NELL2: variants seen among roughly 807,000 people sequenced by gnomAD.
NELL2 encodes protein kinase C-binding protein NELL2.
NELL2 carries 41 observed loss-of-function variants against 109.6 expected under a neutral mutation model. That is an observed-to-expected ratio of 0.37 (90% CI 0.29 to 0.49). The LOEUF is 0.49. Ranked by LOEUF, NELL2 falls within the 20% of genes least tolerant of loss-of-function variation. The probability of loss-of-function intolerance (pLI) is 0.98; values close to 1 mark genes in which losing one functional copy is unlikely to be tolerated. For synonymous variants in NELL2, 355 were observed against 344.7 expected (o/e 1.03, Z -0.33); for missense variants, 900 against 1,008.3 (o/e 0.89, Z 1.45).
intron 15 of NELL2, among the ~76,000 whole-genome samples, chr12:44,591,783 G>T (rs995390846): frequency 1.5e-4 from 23 of 152,188 alleles, no homozygotes; most frequent in African/African-American, 5.3e-4. Flanking sequence ...CCAACACAAA[G>T]AAATGATAAC....
At chr12:44,536,068 C>T (rs1942281724) in intron 15 of NELL2, among the ~76,000 whole-genome samples, 1 of 151,946 alleles carries the variant, frequency 6.6e-6, no homozygotes, top group Non-Finnish European at 1.5e-5. Context: ...AATTTTTCTA[C>T]TTTGGTTAGT....
At chr12:44,626,532 C>T (rs535291882) in intron 13 of NELL2, among the ~76,000 whole-genome samples, 111 of 152,236 alleles carry the variant, frequency 7.3e-4, no homozygotes, top group South Asian at 3.1e-3. Context: ...AAATTATTTG[C>T]TTATATATTT....
chr12:44,583,565 G>T (rs1324546309), intron 15 of NELL2, among the ~76,000 whole-genome samples: 3 of 152,130 alleles, frequency 2.0e-5, no homozygotes, highest in Non-Finnish European at 4.4e-5. Flanking sequence ...CATATGTCAT[G>T]AACTGTGTGA....
intron 12 of NELL2, among the ~76,000 whole-genome samples, chr12:44,668,229 A>C (rs188838420): frequency 1.3e-5 from 2 of 152,242 alleles, no homozygotes; most frequent in East Asian, 1.9e-4. Context: ...CAACACACTG[A>C]GGAAGCAACC....
intron 2 of NELL2, among the ~76,000 whole-genome samples, chr12:44,829,541 G>C (rs1943820814): frequency 6.6e-6 from 1 of 152,122 alleles, no homozygotes; most frequent in South Asian, 2.1e-4. Flanking sequence ...CTGCCTTGAT[G>C]AAAGCTACTG....
chr12:44,661,028 T>G (rs564785492), intron 13 of NELL2, among the ~76,000 whole-genome samples: 27 of 152,298 alleles, frequency 1.8e-4, no homozygotes, highest in African/African-American at 6.3e-4. Flanking sequence ...TGAATGCAGA[T>G]GCCAGGGAGA....
At chr12:44,785,685 A>G (rs1942137962) in intron 3 of NELL2, among the ~76,000 whole-genome samples, 1 of 152,208 alleles carries the variant, frequency 6.6e-6, no homozygotes, top group Non-Finnish European at 1.5e-5. Context: ...ACAGATATAT[A>G]GTCCAGTGAA....
chr12:44,607,367 T>C, intron 14 of NELL2, 103 bp from the exon 15 acceptor site: 1 of 761,766 alleles, frequency 1.3e-6, no homozygotes, highest in South Asian at 2.7e-5. Flanking sequence ...AAACATCAAA[T>C]TATAAAAGCT....
At chr12:44,519,139 AAATC>A (rs1565859992) in intron 19 of NELL2, among the ~76,000 whole-genome samples, 1 of 152,234 alleles carries the variant, frequency 6.6e-6, no homozygotes, top group Non-Finnish European at 1.5e-5. Flanking sequence ...TCACTTAAAA[AAATC>A]AGAGCAGTTA....
At chr12:44,573,712 T>C (rs908678667) in intron 15 of NELL2, among the ~76,000 whole-genome samples, 4 of 152,216 alleles carry the variant, frequency 2.6e-5, no homozygotes, top group Admixed American at 6.5e-5. Flanking sequence ...AGAATGAAAC[T>C]AATAGATATG....
intron 11 of NELL2, among the ~76,000 whole-genome samples, chr12:44,708,859 T>C (rs1391652421): frequency 2.6e-5 from 4 of 152,180 alleles, no homozygotes; most frequent in Admixed American, 2.0e-4. Flanking sequence ...CATGGTATAG[T>C]CTATCATTGT....
chr12:44,872,139 T>C (rs1393065040), intron 2 of NELL2, among the ~76,000 whole-genome samples: 4 of 152,136 alleles, frequency 2.6e-5, no homozygotes, highest in Admixed American at 2.0e-4. Context: ...TTTTAGAAAG[T>C]AGAACCCTTT....
chr12:44,699,360 T>C (rs1949155880), intron 12 of NELL2, among the ~76,000 whole-genome samples: 1 of 152,074 alleles, frequency 6.6e-6, no homozygotes, highest in Admixed American at 6.6e-5. Context: ...AGACAAGCCA[T>C]GCTGTTATAA....
chr12:44,907,185 TA>T (rs1392025917), intron 1 of NELL2, among the ~76,000 whole-genome samples: 1 of 152,150 alleles, frequency 6.6e-6, no homozygotes, highest in African/African-American at 2.4e-5. Context: ...ATGAGTCAAT[TA>T]AACCTCTTTC....
At chr12:44,653,434 C>A (rs901475269) in intron 13 of NELL2, among the ~76,000 whole-genome samples, 2 of 152,148 alleles carry the variant, frequency 1.3e-5, no homozygotes, top group Non-Finnish European at 2.9e-5. Context: ...GAAAAGGGGG[C>A]CAGGGAAAGA....
chr12:44,876,931 G>T (rs529630223), upstream of NELL2: 8,872 of 1,233,704 alleles, frequency 7.2e-3, 34 homozygotes, highest in Middle Eastern at 0.021. Flanking sequence ...GGGCGCTGGA[G>T]AGCTTCCCCG....
At chr12:44,909,071 C>T (rs879027049) in intron 1 of NELL2, among the ~76,000 whole-genome samples, 1 of 151,568 alleles carries the variant, frequency 6.6e-6, no homozygotes, top group Non-Finnish European at 1.5e-5. Flanking sequence ...TACTGGAAGT[C>T]CTAGATAGAG....
At chr12:44,882,229 T>C (rs1945419446) in intron 1 of NELL2, among the ~76,000 whole-genome samples, 1 of 151,720 alleles carries the variant, frequency 6.6e-6, no homozygotes, top group African/African-American at 2.4e-5. Flanking sequence ...AATATACTAT[T>C]CTTGAGTACT....
At chr12:44,838,142 G>C (rs1279554383) in intron 2 of NELL2, among the ~76,000 whole-genome samples, 1 of 152,062 alleles carries the variant, frequency 6.6e-6, no homozygotes, top group Non-Finnish European at 1.5e-5. Flanking sequence ...AGTCTAGGGG[G>C]TTTAATTTCA....
Sources: allele counts gnomAD v4.1 joint callset (sites outside exome capture counted in the v4.1 genomes callset), GRCh38; gene constraint gnomAD v4.1.1; transcripts MANE v1.5; gene names NCBI Gene and HGNC (gene_info 2026-07-23, HGNC 2026-07-21).